Variants in GLRA3 observed in about 807,000 individuals in gnomAD.
The protein encoded by GLRA3 is glycine receptor alpha 3, also known as glycine receptor subunit alpha-3.
In GLRA3, 44 loss-of-function variants were observed where a neutral mutation model predicts 60.4. The observed-to-expected ratio is 0.73, with a 90% CI of 0.57 to 0.94. GLRA3 has a LOEUF of 0.94. Ranked by LOEUF, GLRA3 falls within the 40% of genes least tolerant of loss-of-function variation. GLRA3 has a pLI of 0.00. For synonymous variants in GLRA3, 223 were observed against 192.9 expected, an observed-to-expected ratio of 1.16 and a Z score of -1.29; for missense variants, 508 against 564.6, an observed-to-expected ratio of 0.90 and a Z score of 1.02.
chr4:174,792,127 A>G (rs4695963), intron 1 of GLRA3, among the ~76,000 whole-genome samples: 107,716 of 152,026 alleles, frequency 0.71, 38,645 homozygotes, highest in African/African-American at 0.79. Flanking sequence ...AGAGTTGAGC[A>G]CTAAGGGTGT....
intron 1 of GLRA3, among the ~76,000 whole-genome samples, chr4:174,807,413 G>A (rs1176439056): frequency 6.6e-6 from 1 of 151,966 alleles, no homozygotes; most frequent in Non-Finnish European, 1.5e-5. Flanking sequence ...AACAGCAAAC[G>A]AGAAATTCCT....
chr4:174,652,429 G>C (rs1733052679), intron 9 of GLRA3, among the ~76,000 whole-genome samples: 1 of 152,020 alleles, frequency 6.6e-6, no homozygotes, highest in Non-Finnish European at 1.5e-5. Context: ...TGATTAAAAA[G>C]TTAAAGAAGT....
intron 7 of GLRA3, among the ~76,000 whole-genome samples, chr4:174,659,971 C>CA (rs11395241): frequency 0.34 from 47,570 of 139,672 alleles, 8,929 homozygotes; most frequent in African/African-American, 0.52. Context: ...AATTCTGTCT[C>CA]AAAAAAAAAA....
chr4:174,728,719 AAAG>A, intron 3 of GLRA3, 21 bp from the exon 4 acceptor site: 1 of 1,376,916 alleles, frequency 7.3e-7, no homozygotes, highest in Non-Finnish European at 9.9e-7. Flanking sequence ...ATAATGAAAG[AAAG>A]AAAAAAAAAA....
chr4:174,802,540 G>T (rs1241620441), intron 1 of GLRA3, among the ~76,000 whole-genome samples: 1 of 151,698 alleles, frequency 6.6e-6, no homozygotes, highest in African/African-American at 2.4e-5. Context: ...CTATTATATA[G>T]ACCTCCAATT....
chr4:174,709,097 C>T (rs1418068574), intron 5 of GLRA3, among the ~76,000 whole-genome samples: 1 of 151,838 alleles, frequency 6.6e-6, no homozygotes, highest in African/African-American at 2.4e-5. Flanking sequence ...TAAATGAAAA[C>T]GTATCCGTTG....
intron 9 of GLRA3, among the ~76,000 whole-genome samples, chr4:174,652,593 T>G (rs1426556820): frequency 2.0e-5 from 3 of 152,120 alleles, no homozygotes; most frequent in Non-Finnish European, 4.4e-5. Context: ...AAAAAAAATT[T>G]CAGTCATTAT....
At chr4:174,716,859 C>T (rs917936566) in intron 4 of GLRA3, among the ~76,000 whole-genome samples, 1 of 151,988 alleles carries the variant, frequency 6.6e-6, no homozygotes, top group Admixed American at 6.6e-5. Flanking sequence ...TACTCATCTG[C>T]CAAATTCTAT....
intron 9 of GLRA3, among the ~76,000 whole-genome samples, chr4:174,651,149 G>A (rs1016142456): frequency 6.6e-6 from 1 of 152,134 alleles, no homozygotes; most frequent in Non-Finnish European, 1.5e-5. Context: ...AGATCTCACT[G>A]AACAAAGGAA....
intron 7 of GLRA3, among the ~76,000 whole-genome samples, chr4:174,670,160 T>C (rs773369318): frequency 2.6e-5 from 4 of 152,190 alleles, no homozygotes; most frequent in Non-Finnish European, 5.9e-5. Context: ...GTGCATGCCG[T>C]TAGACTTCCT....
intron 2 of GLRA3, among the ~76,000 whole-genome samples, chr4:174,783,143 A>G (rs1451500723): frequency 1.3e-5 from 2 of 152,068 alleles, no homozygotes; most frequent in Non-Finnish European, 2.9e-5. Flanking sequence ...GGAACAGAAC[A>G]GAGCCCTCAG....
chr4:174,637,096 A>G lies in GLRA3; in HGVS notation c.*6690T>C, dbSNP rs181142463. On this transcript the variant is annotated 3_prime_UTR_variant, in exon 10 of 10. Coordinates refer to ENST00000274093, the MANE Select transcript of GLRA3 (RefSeq NM_006529.4). The stretch of plus-strand genomic sequence containing the variant: ...TGAAATCGTGCATAAATTTTTAAAT[A>G]TGTTTTCAGTATAATTTCCTGGAAA... 2.0e-5 allele frequency: 3 copies of G among 152,312 alleles called. No individual in the cohort carries two copies. Among genetic ancestry groups the G allele is most frequent in the African/African-American group, 7.2e-5 (3 of 41,578 alleles). The allele number at this position is 152,312 out of a possible 1,614,324, so 9.4% of individuals were successfully genotyped here.
chr4:174,729,342 T>C (rs1342381734), intron 3 of GLRA3, among the ~76,000 whole-genome samples: 1 of 152,234 alleles, frequency 6.6e-6, no homozygotes, highest in Non-Finnish European at 1.5e-5. Flanking sequence ...AATGACCATA[T>C]ACACTTTTTC....
At chr4:174,670,040 C>T (rs1179668978) in intron 7 of GLRA3, among the ~76,000 whole-genome samples, 1 of 152,182 alleles carries the variant, frequency 6.6e-6, no homozygotes, top group South Asian at 2.1e-4. Flanking sequence ...ACTCCCACTT[C>T]AGTAACTGGA....
At chr4:174,708,177 A>G (rs557487552) in intron 5 of GLRA3, among the ~76,000 whole-genome samples, 1 of 152,290 alleles carries the variant, frequency 6.6e-6, no homozygotes, top group South Asian at 2.1e-4. Flanking sequence ...TTAAATTATG[A>G]AAGAGCTTGG....
rs772981841 is a variant in GLRA3 at position 174,728,533 on chromosome 4, T to A, written c.433A>T (p.Thr145Ser). Residue 145 changes from threonine (T) to serine (S), a missense_variant, in exon 4 of 10, where the codon ACT becomes TCT. Transcript: ENST00000274093. ...NEKGANFHEV[T>S]TDNKLLRIFK... Reference sequence around the variant, plus strand: ...ATTCTTAGCAATTTGTTGTCTGTAGTGACTTCATGAAAGTTGGCACCCTTT... The same window carrying A: ...ATTCTTAGCAATTTGTTGTCTGTAGAGACTTCATGAAAGTTGGCACCCTTT... The A allele has an allele frequency of 1.2e-6, 2 of 1,613,506 alleles. No individual in the cohort carries two copies. Among genetic ancestry groups the A allele is most frequent in the East Asian group, 4.5e-5 (2 of 44,876 alleles).
intron 9 of GLRA3, among the ~76,000 whole-genome samples, chr4:174,653,078 T>C (rs1330627199): frequency 1.3e-5 from 2 of 152,138 alleles, no homozygotes; most frequent in Admixed American, 6.6e-5. Flanking sequence ...TTATTCCAAA[T>C]GTCTTTTTGC....
chr4:174,803,964 T>C (rs1739924888), intron 1 of GLRA3, among the ~76,000 whole-genome samples: 2 of 152,212 alleles, frequency 1.3e-5, no homozygotes, highest in African/African-American at 2.4e-5. Flanking sequence ...ACTTGTCTAC[T>C]AGTTTTCCTT....
chr4:174,741,960 T>C (rs988315040), intron 3 of GLRA3, among the ~76,000 whole-genome samples: 13 of 152,130 alleles, frequency 8.5e-5, no homozygotes. Flanking sequence ...TCCAAATATA[T>C]AAAATGTTTT....
Sources: allele counts gnomAD v4.1 joint callset (sites outside exome capture counted in the v4.1 genomes callset), GRCh38; gene constraint gnomAD v4.1.1; transcripts MANE v1.5; gene names NCBI Gene and HGNC (gene_info 2026-07-23, HGNC 2026-07-21).